Variants in ZMYM2 observed in about 807,000 individuals in gnomAD.
ZMYM2 encodes zinc finger MYM-type containing 2.
In ZMYM2, 56 loss-of-function variants were observed where a neutral mutation model predicts 162.8. The ratio of observed to expected loss-of-function variants is 0.34; its 90% CI spans 0.28 to 0.43. ZMYM2 has a LOEUF of 0.43. ZMYM2 is among the 20% of genes least tolerant of loss of function. The pLI is 1.00. For synonymous variants in ZMYM2, 510 were observed against 541.6 expected (o/e 0.94, Z 0.81); for missense variants, 1,275 against 1,621.8 (o/e 0.79, Z 3.67).
chr13:19,886,197 T>G, the ZMYM2 span, among the ~76,000 whole-genome samples: 1 of 119,396 alleles, frequency 8.4e-6, no homozygotes, highest in African/African-American at 3.1e-5. Context: ...AGAGTTTCAC[T>G]CTTGTTGCCC....
the ZMYM2 span, among the ~76,000 whole-genome samples, chr13:19,948,212 C>T: frequency 6.6e-6 from 1 of 152,292 alleles, no homozygotes; most frequent in East Asian, 1.9e-4. Flanking sequence ...ACTAAACATA[C>T]TCCTACCATA....
intron 2 of ZMYM2, among the ~76,000 whole-genome samples, chr13:19,962,605 A>G (rs1428789765): frequency 2.9e-5 from 4 of 136,066 alleles, no homozygotes; most frequent in African/African-American, 1.1e-4. Flanking sequence ...GCTCACTGCA[A>G]CCTCTGCCTC....
chr13:19,924,370 T>C, the ZMYM2 span, among the ~76,000 whole-genome samples: 7 of 151,994 alleles, frequency 4.6e-5, no homozygotes, highest in South Asian at 8.3e-4. Flanking sequence ...TCGACACCAC[T>C]GTGGGGCAAC....
At chr13:19,928,914 G>T in the ZMYM2 span, among the ~76,000 whole-genome samples, 1 of 152,124 alleles carries the variant, frequency 6.6e-6, no homozygotes, top group Non-Finnish European at 1.5e-5. Flanking sequence ...CAAAGTGGTG[G>T]GATTACAGGT....
chr13:20,081,947 G>T, intron 21 of ZMYM2, 69 bp from the exon 22 acceptor site: 1 of 932,288 alleles, frequency 1.1e-6, no homozygotes, highest in Non-Finnish European at 1.6e-6. Context: ...AATACGGAGT[G>T]TAATATGTTT....
chr13:20,024,960 C>G (rs1480963512), intron 7 of ZMYM2: 1 of 215,088 alleles, frequency 4.6e-6, no homozygotes, highest in African/African-American at 2.3e-5. Flanking sequence ...AACATGCATT[C>G]CTGGCACATA....
At chr13:19,878,521 T>TCCCC in the ZMYM2 span, among the ~76,000 whole-genome samples, 10,478 of 40,220 alleles carry the variant, frequency 0.26, 371 homozygotes, top group East Asian at 0.48. Flanking sequence ...TTTGCCCTTT[T>TCCCC]TTTTTTTTTT....
the ZMYM2 span, among the ~76,000 whole-genome samples, chr13:19,947,603 C>A: frequency 6.6e-6 from 1 of 151,546 alleles, no homozygotes; most frequent in Admixed American, 6.6e-5. Context: ...GGATTACAGG[C>A]ACACGCCACC....
intron 15 of ZMYM2, among the ~76,000 whole-genome samples, chr13:20,059,218 T>TA (rs544871334): frequency 1.1e-3 from 157 of 145,852 alleles, no homozygotes; most frequent in African/African-American, 1.7e-3. Context: ...TTTTCTTTCT[T>TA]AAAAAAAAAA....
chr13:20,061,367 A>G (rs1383626293), intron 17 of ZMYM2, 143 bp downstream of exon 17: 2 of 715,248 alleles, frequency 2.8e-6, no homozygotes, highest in African/African-American at 2.6e-5. Flanking sequence ...TGTTTTTTAT[A>G]TTAAGAGATC....
the ZMYM2 span, among the ~76,000 whole-genome samples, chr13:19,899,467 AAAGG>A: frequency 1.3e-5 from 2 of 152,006 alleles, no homozygotes; most frequent in Non-Finnish European, 2.9e-5. Flanking sequence ...AAAGCTAGCA[AAAGG>A]AAGGAAATAA....
intron 21 of ZMYM2, 128 bp downstream of exon 21, chr13:20,067,518 C>A: frequency 1.0e-6 from 1 of 953,340 alleles, no homozygotes; most frequent in Non-Finnish European, 1.5e-6. Flanking sequence ...TGTATGTTTG[C>A]TGCCATTTAT....
intron 6 of ZMYM2, among the ~76,000 whole-genome samples, chr13:20,015,742 T>C (rs1244046945): frequency 6.6e-6 from 1 of 152,174 alleles, no homozygotes; most frequent in Non-Finnish European, 1.5e-5. Flanking sequence ...TTCTGTCTCT[T>C]GTGTCAGTTT....
the ZMYM2 span, among the ~76,000 whole-genome samples, chr13:19,870,178 C>T: frequency 1.6e-4 from 25 of 152,300 alleles, no homozygotes; most frequent in Non-Finnish European, 2.9e-4. Flanking sequence ...ATTTTCAAGA[C>T]AGGGTCTTTC....
At position 20,043,989 on chromosome 13, in the gene ZMYM2, G is replaced by A. The variant is rs201704517; in HGVS notation, c.2292+7080G>A. 3.9e-5 allele frequency among the ~76,000 whole-genome samples: 6 copies of A among 152,092 alleles called. No homozygotes were observed. The East Asian group carries it at 1.2e-3, about 29-fold the overall frequency. On this transcript the variant is annotated intron_variant, in intron 12 of 24. Transcript: ENST00000610343. Reference sequence around the variant, plus strand: ...ACACTCGAGGCTGACCTGAAAGCAGGTACTTTCACACTGGGACCCTGCAAG... The same window carrying A: ...ACACTCGAGGCTGACCTGAAAGCAGATACTTTCACACTGGGACCCTGCAAG...
intron 3 of ZMYM2, among the ~76,000 whole-genome samples, chr13:19,999,044 C>A (rs935275055): frequency 1.3e-5 from 2 of 152,120 alleles, no homozygotes; most frequent in Non-Finnish European, 2.9e-5. Flanking sequence ...GCAACTAGTG[C>A]AGCAAACTGG....
chr13:20,013,836 T>G (rs370445105), intron 6 of ZMYM2, among the ~76,000 whole-genome samples: 1 of 152,286 alleles, frequency 6.6e-6, no homozygotes, highest in African/African-American at 2.4e-5. Context: ...AGTAGTACTT[T>G]GTTGAGGATC....
At chr13:19,895,725 T>C in the ZMYM2 span, among the ~76,000 whole-genome samples, 9 of 151,958 alleles carry the variant, frequency 5.9e-5, 1 homozygote, top group South Asian at 1.9e-3. Context: ...ACATTAGGGA[T>C]TAAATTTCAA....
the ZMYM2 span, among the ~76,000 whole-genome samples, chr13:19,922,615 C>T: frequency 6.6e-6 from 1 of 151,988 alleles, no homozygotes; most frequent in East Asian, 1.9e-4. Context: ...GAGGCCGAGG[C>T]GGGTGGATCA....
Sources: allele counts gnomAD v4.1 joint callset (sites outside exome capture counted in the v4.1 genomes callset), GRCh38; gene constraint gnomAD v4.1.1; transcripts MANE v1.5; gene names NCBI Gene and HGNC (gene_info 2026-07-23, HGNC 2026-07-21).